The following ASPH variants were observed in gnomAD, a reference collection of about 807,000 sequenced individuals.
The protein encoded by ASPH is aspartate beta-hydroxylase.
ASPH carries 100 observed loss-of-function variants against 118.4 expected under a neutral mutation model. The ratio of observed to expected loss-of-function variants is 0.84; its 90% CI spans 0.72 to 1.00. ASPH has a LOEUF of 1.00. Ranked by LOEUF, ASPH falls within the 50% of genes least tolerant of loss-of-function variation. ASPH has a pLI of 0.00. For synonymous variants in ASPH, 315 were observed against 325.6 expected (o/e 0.97, Z 0.35); for missense variants, 920 against 919.5 (o/e 1.00, Z -0.01).
In ASPH at chr8:61,500,941, A is replaced by ACAT. The variant is rs1186131334; in HGVS notation, c.*2415_*2417dup. 1 of 152,202 alleles carries ACAT rather than the reference A, an allele frequency of 6.6e-6. No homozygotes were observed. Among genetic ancestry groups the ACAT allele is most frequent in the Non-Finnish European group, 1.5e-5 (1 of 68,020 alleles). The allele number at this position is 152,202 out of a possible 1,614,324, so 9.4% of individuals were successfully genotyped here. ...TTATTACTAATCTTAATTATTTATT[A>ACAT]CATCATCTCTTTCTCAATGGATCTA... On this transcript the variant is annotated 3_prime_UTR_variant, in exon 25 of 25. Coordinates refer to ENST00000379454, the MANE Select transcript of ASPH (RefSeq NM_004318.4).
chr8:61,704,178 G>C (rs984979029), intron 1 of ASPH, among the ~76,000 whole-genome samples: 3 of 119,870 alleles, frequency 2.5e-5, no homozygotes, highest in Non-Finnish European at 4.8e-5. Flanking sequence ...CTGGGCGACA[G>C]AGCGAGACTC....
Position 61,608,301 on chromosome 8 carries a change from G to A in ASPH, c.976+10677C>T, listed in dbSNP as rs546636111. Among the ~76,000 whole-genome samples the A allele has an allele frequency of 3.5e-4, 54 of 152,302 alleles. 1 individual carries two copies. In the South Asian group the frequency reaches 0.011, roughly 31 times the overall value. Reference sequence around the variant, plus strand: ...ATGGAGCTGAGTGAGGTGAGAGTCTGCCGATGAGATAGAACATGGGTCATG... The same window carrying A: ...ATGGAGCTGAGTGAGGTGAGAGTCTACCGATGAGATAGAACATGGGTCATG... On this transcript the variant is annotated intron_variant, in intron 14 of 24. Coordinates refer to ENST00000379454, the MANE Select transcript of ASPH (RefSeq NM_004318.4).
At chr8:61,557,782 A>G (rs943405301) in intron 18 of ASPH, among the ~76,000 whole-genome samples, 4 of 152,218 alleles carry the variant, frequency 2.6e-5, no homozygotes, top group African/African-American at 9.7e-5. Context: ...GACCTCTGAA[A>G]GCCCAGATCC....
intron 3 of ASPH, chr8:61,676,110 T>C: frequency 4.4e-6 from 7 of 1,599,448 alleles, no homozygotes; most frequent in Non-Finnish European, 5.1e-6. Context: ...ACACAAGTCT[T>C]TCCCTGAACC....
intron 21 of ASPH, among the ~76,000 whole-genome samples, chr8:61,541,086 C>T (rs1041873421): frequency 7.9e-5 from 12 of 151,966 alleles, no homozygotes; most frequent in African/African-American, 2.9e-4. Flanking sequence ...GGGGAAACCC[C>T]GTCTCTACTA....
At chr8:61,636,861 T>A (rs1222993724) in intron 12 of ASPH, among the ~76,000 whole-genome samples, 1 of 151,876 alleles carries the variant, frequency 6.6e-6, no homozygotes, top group African/African-American at 2.4e-5. Flanking sequence ...TAACACAAGG[T>A]GGGAAAAAAT....
chr8:61,644,076 C>T (rs1588556574), intron 7 of ASPH, 75 bp from the exon 8 acceptor site: 2 of 1,140,536 alleles, frequency 1.8e-6, no homozygotes, highest in East Asian at 2.5e-5. Context: ...CAGAAAGACA[C>T]AATTTCTAGT....
At chr8:61,694,704 T>C (rs968613057) in intron 1 of ASPH, among the ~76,000 whole-genome samples, 2 of 152,198 alleles carry the variant, frequency 1.3e-5, no homozygotes, top group Non-Finnish European at 2.9e-5. Context: ...AATTCTGTAA[T>C]ACTTGTTCCT....
chr8:61,665,707 C>G (rs1000303020), intron 3 of ASPH: 4 of 1,251,448 alleles, frequency 3.2e-6, no homozygotes, highest in Admixed American at 2.7e-5. Flanking sequence ...TATCTCTCCA[C>G]ACACAGGAAA....
At chr8:61,696,611 A>C (rs1388176175) in intron 1 of ASPH, among the ~76,000 whole-genome samples, 1 of 152,162 alleles carries the variant, frequency 6.6e-6, no homozygotes, top group African/African-American at 2.4e-5. Flanking sequence ...GGCTCTGCAA[A>C]CGTAATTATT....
intron 3 of ASPH, chr8:61,660,051 T>C (rs967178734): frequency 5.3e-5 from 8 of 151,990 alleles, no homozygotes; most frequent in African/African-American, 1.9e-4. Context: ...GCTGCATGGG[T>C]ATATTGCGTG....
At chr8:61,689,824 C>T (rs1832099954) in intron 1 of ASPH, 4 of 1,447,908 alleles carry the variant, frequency 2.8e-6, no homozygotes, top group Non-Finnish European at 3.6e-6. Context: ...CCAATCCCTG[C>T]ACTGTAAGGG....
At chr8:61,641,499 A>G (rs1210113858) in intron 10 of ASPH, among the ~76,000 whole-genome samples, 2 of 152,112 alleles carry the variant, frequency 1.3e-5, no homozygotes, top group African/African-American at 4.8e-5. Flanking sequence ...TCGGCCCCAA[A>G]TCTTCCTGTG....
intron 3 of ASPH, chr8:61,675,368 A>G (rs1824752624): frequency 4.1e-6 from 4 of 969,756 alleles, no homozygotes; most frequent in South Asian, 4.8e-5. Context: ...CTCTGGATGT[A>G]TATTTGGAAA....
At chr8:61,664,628 G>A in intron 3 of ASPH, 2 of 986,252 alleles carry the variant, frequency 2.0e-6, no homozygotes, top group Non-Finnish European at 2.4e-6. Flanking sequence ...TGAAGGAAAG[G>A]AGAGAGTAAA....
chr8:61,524,808 G>A (rs1814637197), intron 22 of ASPH, among the ~76,000 whole-genome samples: 1 of 150,146 alleles, frequency 6.7e-6, no homozygotes, highest in Non-Finnish European at 1.5e-5. Flanking sequence ...TAGGATGCCT[G>A]CTATTCTGAA....
At chr8:61,706,404 C>CAAAAAAAAAAAA (rs55731088) in intron 1 of ASPH, among the ~76,000 whole-genome samples, 10 of 70,556 alleles carry the variant, frequency 1.4e-4, no homozygotes, top group Non-Finnish European at 2.2e-4. Context: ...GGTCATGACT[C>CAAAAAAAAAAAA]AAAAAAAAAA....
intron 3 of ASPH, among the ~76,000 whole-genome samples, chr8:61,678,177 C>T (rs374491998): frequency 2.6e-5 from 4 of 152,094 alleles, no homozygotes; most frequent in South Asian, 2.1e-4. Flanking sequence ...ATACCTGATA[C>T]GATGCCAGCT....
At chr8:61,710,287 AG>A (rs1418342945) in intron 1 of ASPH, among the ~76,000 whole-genome samples, 1 of 152,212 alleles carries the variant, frequency 6.6e-6, no homozygotes, top group Non-Finnish European at 1.5e-5. Context: ...AAACTGCACT[AG>A]CTTTCTGGAG....
Sources: gnomAD v4.1 joint callset for allele counts (sites outside exome capture counted in the v4.1 genomes callset) on GRCh38, gnomAD v4.1.1 for gene constraint, MANE v1.5 for transcripts, NCBI Gene and HGNC (gene_info 2026-07-23, HGNC 2026-07-21) for gene names.